SIM1: variants seen among roughly 807,000 people sequenced by gnomAD.
SIM1 encodes the protein SIM bHLH transcription factor 1, also known as single-minded homolog 1.
In SIM1, 18 loss-of-function variants were observed where a neutral mutation model predicts 78.2. The ratio of observed to expected loss-of-function variants is 0.23; its 90% CI spans 0.16 to 0.34. SIM1 has a LOEUF of 0.34. SIM1 is among the 10% of genes least tolerant of loss of function. The probability of loss-of-function intolerance (pLI) is 1.00; values close to 1 mark genes in which losing one functional copy is unlikely to be tolerated. For missense variants in SIM1, 939 were observed against 975.1 expected, an observed-to-expected ratio of 0.96 and a Z score of 0.49; for synonymous variants, 417 against 385.2, an observed-to-expected ratio of 1.08 and a Z score of -0.97.
chr6:100,450,253 A>C lies in SIM1; in HGVS notation c.348+14T>G. 7 of 1,609,020 alleles carry C rather than the reference A, an allele frequency of 4.4e-6. No individual in the cohort carries two copies. The highest frequency in any genetic ancestry group is 6.0e-6 in the Non-Finnish European group (7 of 1,175,500). ...GTAAACACTGCAGGTGGGATATGTG[A>C]ACCACTCACCTACCTGAGAAAGACC... On this transcript the variant is annotated intron_variant, in intron 4 of 11. Coordinates refer to ENST00000369208, the MANE Select transcript of SIM1 (RefSeq NM_005068.3).
At chr6:100,440,162 A>G (rs1276439159) in intron 9 of SIM1, among the ~76,000 whole-genome samples, 2 of 152,158 alleles carry the variant, frequency 1.3e-5, no homozygotes, top group African/African-American at 4.8e-5. Context: ...ATACTGTGCT[A>G]TATTCTCTCT....
chr6:100,429,321 A>G (rs766847342), intron 9 of SIM1, among the ~76,000 whole-genome samples: 62 of 151,326 alleles, frequency 4.1e-4, no homozygotes, highest in Non-Finnish European at 7.7e-4. Context: ...GTGAGCCAAC[A>G]TTGCACCACT....
intron 10 of SIM1, 146 bp from the exon 11 acceptor site, chr6:100,394,035 G>T: frequency 1.4e-6 from 1 of 713,722 alleles, no homozygotes; most frequent in Admixed American, 3.7e-5. Flanking sequence ...CCGTTGCTTT[G>T]GCATCATGGC....
At position 100,433,627 on chromosome 6, in the gene SIM1, C is replaced by T. The variant is rs192346874; in HGVS notation, c.999-12669G>A. Reference sequence around the variant, plus strand: ...CACATGCATGCCATCCCAGCTACTCCGGAGGCTGAGGCTGTGGGAGGATCT... The same window carrying T: ...CACATGCATGCCATCCCAGCTACTCTGGAGGCTGAGGCTGTGGGAGGATCT... On this transcript the variant is annotated intron_variant, in intron 9 of 11. Coordinates refer to ENST00000369208, the MANE Select transcript of SIM1 (RefSeq NM_005068.3). Among the ~76,000 whole-genome samples the T allele has an allele frequency of 9.8e-4, 149 of 151,922 alleles. 2 individuals are homozygous for T. Among genetic ancestry groups the T allele is most frequent in the African/African-American group, 3.4e-3 (142 of 41,398 alleles).
intron 10 of SIM1, among the ~76,000 whole-genome samples, chr6:100,401,440 T>G (rs189750974): frequency 1.3e-5 from 2 of 152,260 alleles, no homozygotes; most frequent in East Asian, 3.9e-4. Context: ...CTTATGAATG[T>G]TAAATATTCT....
chr6:100,393,413 T>G, intron 11 of SIM1, 74 bp downstream of exon 11: 1 of 1,297,378 alleles, frequency 7.7e-7, no homozygotes, highest in East Asian at 2.6e-5. Flanking sequence ...GGTCATTCAC[T>G]CTAGTGTCAC....
Position 100,463,470 on chromosome 6 carries a change from G to T in SIM1, c.-2C>A. On this transcript the variant is annotated 5_prime_UTR_variant, in exon 2 of 12. Coordinates refer to ENST00000369208, the MANE Select transcript of SIM1 (RefSeq NM_005068.3). ...AGCATTTTTGGACTTTTCTTTCATT[G>T]TGTCTTGTTCCCCCTTTCTTCTCAC... The T allele has an allele frequency of 6.2e-7, 1 of 1,601,898 alleles. No individual in the cohort carries two copies. Among genetic ancestry groups the T allele is most frequent in the South Asian group, 1.1e-5 (1 of 90,554 alleles).
chr6:100,410,599 C>A (rs2114487580), intron 10 of SIM1, among the ~76,000 whole-genome samples: 1 of 152,254 alleles, frequency 6.6e-6, no homozygotes. Flanking sequence ...CAGACTCTAG[C>A]TAAAGTGGAG....
At position 100,393,541 on chromosome 6, in the gene SIM1, T is replaced by C. The variant is rs1400963543; in HGVS notation, c.1516A>G (p.Arg506Gly). 1 of 1,599,130 alleles carries C rather than the reference T, an allele frequency of 6.3e-7. No individual in the cohort carries two copies. Among genetic ancestry groups the C allele is most frequent in the Non-Finnish European group, 8.5e-7 (1 of 1,169,896 alleles). Reference sequence around the variant, plus strand: ...GGCATGCTGTTTTCATAGGCTTCTCTGCTTTCTGGGGAGGCCTTTGTCAGG... The same window carrying C: ...GGCATGCTGTTTTCATAGGCTTCTCCGCTTTCTGGGGAGGCCTTTGTCAGG... Reference protein sequence around the residue: ...LPLTKASPESREAYENSMPHI... With the variant: ...LPLTKASPESGEAYENSMPHI... Residue 506 changes from arginine (R) to glycine (G), a missense_variant, in exon 11 of 12, where the codon AGA becomes GGA. Physicochemically the swap from Arg to Gly is moderately radical, Grantham distance 125. Around this residue, in one of 5 missense-constraint regions of SIM1, gnomAD observed 556 missense variants for 521.9 expected, o/e 1.07. Transcript: ENST00000369208.
At chr6:100,413,712 G>A (rs1040384175) in intron 10 of SIM1, among the ~76,000 whole-genome samples, 1 of 152,002 alleles carries the variant, frequency 6.6e-6, no homozygotes, top group Non-Finnish European at 1.5e-5. Context: ...AAACAAAAAG[G>A]TATACAATCC....
intron 2 of SIM1, among the ~76,000 whole-genome samples, chr6:100,461,280 T>C (rs1377685294): frequency 1.3e-5 from 2 of 152,222 alleles, no homozygotes; most frequent in East Asian, 3.8e-4. Flanking sequence ...CACTTAATTA[T>C]GCAAAAAGGC....
At chr6:100,414,032 AC>A (rs1185202323) in intron 10 of SIM1, among the ~76,000 whole-genome samples, 2 of 152,318 alleles carry the variant, frequency 1.3e-5, no homozygotes, top group South Asian at 2.1e-4. Flanking sequence ...TCCTCCTGAG[AC>A]CCAGGATAGA....
Position 100,420,885 on chromosome 6 carries a change from T to C in SIM1, c.1072A>G (p.Ser358Gly). Residue 358 changes from serine (S) to glycine (G), a missense_variant, in exon 10 of 12, where the codon AGC (serine) becomes GGC (glycine). This residue lies in a region of SIM1 where 556 missense variants were observed against 521.9 expected (regional missense o/e 1.07). Coordinates refer to ENST00000369208, the MANE Select transcript of SIM1 (RefSeq NM_005068.3). ...SASKPAFSYT[S>G]SSTPTMTDNR... is the part of the protein sequence containing the mutation. Reference sequence around the variant, plus strand: ...TCAGTCATGGTGGGGGTGGAGCTGCTGGTATAGGAGAAGGCTGGTTTGGAG... The same window carrying C: ...TCAGTCATGGTGGGGGTGGAGCTGCCGGTATAGGAGAAGGCTGGTTTGGAG... 2 of 1,613,980 alleles carry C rather than the reference T, an allele frequency of 1.2e-6. No individual in the cohort carries two copies. The highest frequency in any genetic ancestry group is 1.7e-6 in the Non-Finnish European group (2 of 1,179,974).
At chr6:100,439,571 C>T (rs529216528) in intron 9 of SIM1, among the ~76,000 whole-genome samples, 1 of 152,278 alleles carries the variant, frequency 6.6e-6, no homozygotes, top group African/African-American at 2.4e-5. Flanking sequence ...ATCTGCTATA[C>T]TCTGTGAAAC....
In SIM1 at chr6:100,391,744, A is replaced by G. The variant is rs765156575; in HGVS notation, c.1571-653T>C. Among the ~76,000 whole-genome samples the G allele has an allele frequency of 7.0e-4, 106 of 152,350 alleles. 2 individuals carry two copies. The highest frequency in any genetic ancestry group is 1.2e-4 in the Non-Finnish European group (8 of 68,040). On this transcript the variant is annotated intron_variant, in intron 11 of 11. Coordinates refer to ENST00000369208, the MANE Select transcript of SIM1 (RefSeq NM_005068.3). ...GATATATATGTAAGCATGGATGGAT[A>G]TAACTGAAGATTATAGATATAGATA...
chr6:100,394,052 C>T (rs1041000461), intron 10 of SIM1, 163 bp from the exon 11 acceptor site: 20 of 595,122 alleles, frequency 3.4e-5, no homozygotes, highest in Non-Finnish European at 4.4e-5. Flanking sequence ...TGGCTGTGCA[C>T]ACCTAACTTG....
intron 10 of SIM1, among the ~76,000 whole-genome samples, chr6:100,402,837 A>C (rs1770960227): frequency 6.6e-6 from 1 of 151,876 alleles, no homozygotes; most frequent in Non-Finnish European, 1.5e-5. Context: ...CGGCCTCCCA[A>C]AGTGCTGGGA....
At chr6:100,396,961 A>C (rs1396742710) in intron 10 of SIM1, among the ~76,000 whole-genome samples, 1 of 152,214 alleles carries the variant, frequency 6.6e-6, no homozygotes, top group African/African-American at 2.4e-5. Context: ...AATACTCTGT[A>C]TAATATAATA....
chr6:100,444,871 C>G (rs1394709234), intron 9 of SIM1, among the ~76,000 whole-genome samples: 3 of 152,168 alleles, frequency 2.0e-5, no homozygotes, highest in Non-Finnish European at 4.4e-5. Flanking sequence ...AAAACCTCTA[C>G]TTTCATGACA....
Sources: gnomAD v4.1 joint callset for allele counts (sites outside exome capture counted in the v4.1 genomes callset) on GRCh38, gnomAD v4.1.1 for gene constraint, gnomAD v4.1.1 regional missense constraint, MANE v1.5 for transcripts, NCBI Gene and HGNC (gene_info 2026-07-23, HGNC 2026-07-21) for gene names.